MCOLN2: variants seen among roughly 807,000 people sequenced by gnomAD.
MCOLN2 encodes mucolipin-2.
In MCOLN2, 57 loss-of-function variants were observed where a neutral mutation model predicts 67.5. The observed-to-expected ratio is 0.84, with a 90% confidence interval of 0.68 to 1.05. The LOEUF (loss-of-function observed/expected upper bound fraction) is 1.05, where lower values mean the gene tolerates loss of function less well. Ranked by LOEUF, MCOLN2 falls within the 50% of genes least tolerant of loss-of-function variation. The probability of loss-of-function intolerance (pLI) is 0.00; values close to 1 mark genes in which losing one functional copy is unlikely to be tolerated. For missense variants in MCOLN2, 620 were observed against 678.8 expected (o/e 0.91, Z 0.96); for synonymous variants, 246 against 233.3 (o/e 1.05, Z -0.50).
intron 4 of MCOLN2, among the ~76,000 whole-genome samples, chr1:84,954,367 G>A (rs1402765204): frequency 6.6e-6 from 1 of 152,208 alleles, no homozygotes; most frequent in Non-Finnish European, 1.5e-5. Flanking sequence ...AGGGAAGTTG[G>A]TCAAAAGAAA....
chr1:84,943,548 A>C (rs1360021290), intron 7 of MCOLN2, among the ~76,000 whole-genome samples: 3 of 152,100 alleles, frequency 2.0e-5, no homozygotes, highest in Non-Finnish European at 4.4e-5. Context: ...CTTCCACAGC[A>C]ACACCTCTGC....
Position 84,937,741 on chromosome 1 carries a change from T to C in MCOLN2, c.1335+14A>G, listed in dbSNP as rs1468836931. ...CGTGCCCCATCTGCAGAAGGAAGAA[T>C]GTGAGCTACACACCTTGTCATGGTA... On this transcript the variant is annotated intron_variant, in intron 11 of 13. Transcript: ENST00000370608. The C allele has an allele frequency of 6.2e-7, 1 of 1,613,246 alleles. No homozygotes were observed. Among genetic ancestry groups the C allele is most frequent in the African/African-American group, 1.3e-5 (1 of 74,910 alleles).
At chr1:84,941,570 A>T (rs1647788038) in intron 7 of MCOLN2, among the ~76,000 whole-genome samples, 1 of 152,232 alleles carries the variant, frequency 6.6e-6, no homozygotes. Context: ...AAATTTATAT[A>T]TAAATATTTA....
At chr1:84,971,173 T>C (rs207460274) in intron 1 of MCOLN2, among the ~76,000 whole-genome samples, 5 of 151,782 alleles carry the variant, frequency 3.3e-5, no homozygotes, top group African/African-American at 4.8e-5. Context: ...CCCTCAAGAG[T>C]ACATGAGCCA....
intron 1 of MCOLN2, among the ~76,000 whole-genome samples, chr1:84,972,932 C>T (rs1649767696): frequency 6.6e-6 from 1 of 152,148 alleles, no homozygotes; most frequent in Non-Finnish European, 1.5e-5. Flanking sequence ...GCCCAGGATG[C>T]TATTGCCTTT....
chr1:84,940,390 C>A (rs1011784194), intron 8 of MCOLN2, among the ~76,000 whole-genome samples: 23 of 152,084 alleles, frequency 1.5e-4, no homozygotes, highest in African/African-American at 5.5e-4. Flanking sequence ...TCATAAGAGC[C>A]CTGAGGGTAA....
In MCOLN2 at chr1:84,937,842, T is replaced by G. The variant is rs1181708565; in HGVS notation, c.1248A>C (p.Lys416Asn). 2 of 1,614,144 alleles carry G rather than the reference T, an allele frequency of 1.2e-6. No individual in the cohort carries two copies. The highest frequency in any genetic ancestry group is 2.7e-5 in the African/African-American group (2 of 75,024). The change falls in exon 11 of 14, where the codon AAA (lysine) becomes AAC (asparagine). Residue 416 changes from lysine to asparagine, a missense_variant. Physicochemically the swap from Lys to Asn is moderately conservative, Grantham distance 94 (BLOSUM62 0). Coordinates refer to ENST00000370608, the MANE Select transcript of MCOLN2 (RefSeq NM_153259.4). ...CAGCACAAGCACAAAACCGAAGAAC[T>G]TTTGGCAGTGAGGCCTGCATTGTTA... ...LILTMQASLP[K>N]VLRFCACAGM...
Position 84,952,258 on chromosome 1 carries a change from A to C in MCOLN2, c.732T>G (p.Tyr244Ter). 2 of 1,610,998 alleles carry C rather than the reference A, an allele frequency of 1.2e-6. No individual in the cohort carries two copies. Among genetic ancestry groups the C allele is most frequent in the Non-Finnish European group, 1.7e-6 (2 of 1,178,264 alleles). ...TIHSRELPDC[Y>*]VFQNTIIFDN... ...AGATACTTGCCGTATTCTGAAAGAC[A>C]TAACAGTCTGGTAACTCACGGGAAT... is the stretch of plus-strand genomic sequence containing the variant. The change falls in exon 6 of 14, where the codon TAT becomes TAG. Residue 244 changes from tyrosine (Y) to a stop codon, truncating the protein, a stop_gained. Coordinates refer to ENST00000370608, the MANE Select transcript of MCOLN2 (RefSeq NM_153259.4). LOFTEE classifies it high-confidence loss of function.
intron 12 of MCOLN2, among the ~76,000 whole-genome samples, chr1:84,930,921 T>G (rs1661373792): frequency 6.6e-6 from 1 of 152,140 alleles, no homozygotes; most frequent in African/African-American, 2.4e-5. Flanking sequence ...ACAAAAGCCT[T>G]AGTTTTCATA....
At chr1:84,950,018 T>C (rs904976344) in intron 6 of MCOLN2, among the ~76,000 whole-genome samples, 1 of 152,206 alleles carries the variant, frequency 6.6e-6, no homozygotes, top group East Asian at 1.9e-4. Context: ...AAGTTTATAA[T>C]CAAATTCAGA....
At chr1:84,933,427 A>G (rs1260721328) in intron 11 of MCOLN2, among the ~76,000 whole-genome samples, 1 of 152,180 alleles carries the variant, frequency 6.6e-6, no homozygotes, top group Non-Finnish European at 1.5e-5. Flanking sequence ...AACTCTGATG[A>G]ACTAAAGTCC....
chr1:84,956,422 C>T lies in MCOLN2; in HGVS notation c.565+9G>A, dbSNP rs1174527337. ...ATAAAGGTACATCATGAAATTATCA[C>T]TGCATTACCGAGCTCAACGTCGTTG... On this transcript the variant is annotated intron_variant, in intron 4 of 13. Transcript: ENST00000370608. 6.2e-7 allele frequency: 1 copy of T among 1,608,528 alleles called. No homozygotes were observed. Among genetic ancestry groups the T allele is most frequent in the Non-Finnish European group, 8.5e-7 (1 of 1,178,378 alleles).
rs185816253 is a variant in MCOLN2 at position 84,954,388 on chromosome 1, G to T, written c.566-1858C>A. ...GTTGGTCAAAAGAAACTTGTTTCTG[G>T]CAGGAAAAGACTGATGATAGAAATA... On this transcript the variant is annotated intron_variant, in intron 4 of 13. Transcript: ENST00000370608. Among the ~76,000 whole-genome samples the T allele has an allele frequency of 1.2e-3, 184 of 152,328 alleles. 1 individual carries two copies. The highest frequency in any genetic ancestry group is 1.8e-3 in the Non-Finnish European group (124 of 68,020).
intron 1 of MCOLN2, among the ~76,000 whole-genome samples, chr1:84,970,530 A>G (rs933584986): frequency 6.6e-6 from 1 of 151,628 alleles, no homozygotes; most frequent in Admixed American, 6.6e-5. Flanking sequence ...AAAAAAAAAA[A>G]ATAACAGGCA....
rs1424374021 is a variant in MCOLN2, at chr1:84,937,982, T to C, written c.1211A>G (p.Asn404Ser). ...CACTACCCGGTGCCGCATCCTTACA[T>C]TATATGCCTGGAAATAACCCAGGTA... ...IRYLGYFQAY[N>S]VLILTMQASL... The change falls in exon 10 of 14, where the codon AAT (asparagine) becomes AGT (serine). Residue 404 changes from asparagine (N) to serine (S), a missense_variant and splice_region_variant. Transcript: ENST00000370608. 6.2e-7 allele frequency: 1 copy of C among 1,613,662 alleles called. No homozygotes were observed. The highest frequency in any genetic ancestry group is 8.5e-7 in the Non-Finnish European group (1 of 1,179,672).
At chr1:84,975,754 C>G (rs1438014630) in intron 1 of MCOLN2, among the ~76,000 whole-genome samples, 1 of 152,030 alleles carries the variant, frequency 6.6e-6, no homozygotes, top group Non-Finnish European at 1.5e-5. Flanking sequence ...TTCAAAATAG[C>G]TCTTTTAAGG....
At chr1:84,966,824 T>C (rs1026125270) in intron 1 of MCOLN2, among the ~76,000 whole-genome samples, 1 of 152,044 alleles carries the variant, frequency 6.6e-6, no homozygotes, top group African/African-American at 2.4e-5. Flanking sequence ...CAAAGTGGAG[T>C]GCCGAAAACA....
intron 2 of MCOLN2, among the ~76,000 whole-genome samples, chr1:84,962,909 G>A (rs1224290656): frequency 1.3e-5 from 2 of 152,150 alleles, no homozygotes; most frequent in African/African-American, 2.4e-5. Flanking sequence ...TCTATTCTAC[G>A]AAAAATTAAG....
chr1:84,933,873 T>C (rs573841024), intron 11 of MCOLN2, among the ~76,000 whole-genome samples: 31 of 152,340 alleles, frequency 2.0e-4, no homozygotes, highest in African/African-American at 7.0e-4. Flanking sequence ...CCCCCTCCTC[T>C]TGTGAACATG....
Sources: allele counts gnomAD v4.1 joint callset (sites outside exome capture counted in the v4.1 genomes callset), GRCh38; gene constraint gnomAD v4.1.1; transcripts MANE v1.5; gene names NCBI Gene and HGNC (gene_info 2026-07-23, HGNC 2026-07-21).